AK2: variants seen among roughly 807,000 people sequenced by gnomAD.
AK2 encodes adenylate kinase 2.
A neutral mutation model predicts 24.6 loss-of-function variants in AK2; 15 were observed. The observed-to-expected ratio is 0.61, with a 90% CI of 0.41 to 0.94. The LOEUF (loss-of-function observed/expected upper bound fraction) is 0.94, where lower values mean the gene tolerates loss of function less well. Ranked by LOEUF, AK2 falls within the 40% of genes least tolerant of loss-of-function variation. The pLI is 0.00. For missense variants in AK2, 257 were observed against 304.1 expected (o/e 0.85, Z 1.15); for synonymous variants, 102 against 114.0 (o/e 0.90, Z 0.67).
Position 33,008,010 on chromosome 1 carries a change from T to G in AK2, c.*5171A>C, listed in dbSNP as rs551953760. The G allele has an allele frequency of 2.2e-6, 1 of 454,060 alleles. No individual in the cohort carries two copies. Among genetic ancestry groups the G allele is most frequent in the Admixed American group, 2.3e-5 (1 of 42,558 alleles). 28.1% of individuals were successfully genotyped at this position (454,060 alleles called of 1,614,324 possible). On this transcript the variant is annotated 3_prime_UTR_variant, in exon 6 of 6. Transcript: ENST00000672715. ...CTCACACAGCTAAGAATTTAATATG[T>G]TAGACTATTATTAATTATGAAAACA...
intron 1 of AK2, among the ~76,000 whole-genome samples, chr1:33,025,210 A>AAAG (rs374054276): frequency 2.0e-5 from 3 of 151,310 alleles, no homozygotes; most frequent in Admixed American, 2.0e-4. Context: ...AAAAAAAAAA[A>AAAG]GAGAATAAAA....
At chr1:33,019,700 C>A (rs1639412047) in intron 4 of AK2, 17 of 1,024,762 alleles carry the variant, frequency 1.7e-5, no homozygotes, top group Non-Finnish European at 2.0e-5. Context: ...AGATGTTCAA[C>A]CTCATTAGGA....
rs1458848091 is a variant in AK2 at position 33,011,315 on chromosome 1, C to T, written c.*1866G>A. 25 of 1,289,296 alleles carry T rather than the reference C, an allele frequency of 1.9e-5. No homozygotes were observed. Among genetic ancestry groups the T allele is most frequent in the Admixed American group, 2.3e-5 (1 of 43,614 alleles). 79.9% of individuals were successfully genotyped at this position (1,289,296 alleles called of 1,614,324 possible). ...ATAGCTGACAGTTTTTGTTTCACTCCTCTTCCTTGCCCATTCCCAGAAGTC... is the reference window on the plus strand; with the variant it reads ...ATAGCTGACAGTTTTTGTTTCACTCTTCTTCCTTGCCCATTCCCAGAAGTC... On this transcript the variant is annotated 3_prime_UTR_variant, in exon 6 of 6. Transcript: ENST00000672715.
At chr1:33,018,342 C>T (rs545409399) in intron 4 of AK2, among the ~76,000 whole-genome samples, 10 of 152,106 alleles carry the variant, frequency 6.6e-5, no homozygotes, top group South Asian at 2.1e-4. Context: ...GTGTGAGGTC[C>T]GGGGTGCATT....
Position 33,020,130 on chromosome 1 carries a change from G to C in AK2, c.425+1237C>G, listed in dbSNP as rs1052300808. On this transcript the variant is annotated intron_variant, in intron 4 of 5. Coordinates refer to ENST00000672715, the MANE Select transcript of AK2 (RefSeq NM_001625.4). ...AGTGTTGGTCTGTCAGAACAAACGTGTCCAGAAGCAGAGGCATTTCTGTGT... is the reference window on the plus strand; with the variant it reads ...AGTGTTGGTCTGTCAGAACAAACGTCTCCAGAAGCAGAGGCATTTCTGTGT... The C allele has an allele frequency of 3.3e-6, 5 of 1,534,752 alleles. No homozygotes were observed. In the African/African-American group the frequency reaches 4.1e-5, roughly 13 times the overall value.
At chr1:33,020,605 G>C (rs1408465729) in intron 4 of AK2, among the ~76,000 whole-genome samples, 1 of 152,138 alleles carries the variant, frequency 6.6e-6, no homozygotes, top group Admixed American at 6.5e-5. Context: ...AGCACTTTGG[G>C]AGGCCAAGGC....
At position 33,011,847 on chromosome 1, in the gene AK2, G is replaced by T. The variant is rs1224317659; in HGVS notation, c.*1334C>A. 1 of 1,520,780 alleles carries T rather than the reference G, an allele frequency of 6.6e-7. No homozygotes were observed. The highest frequency in any genetic ancestry group is 8.8e-7 in the Non-Finnish European group (1 of 1,139,040). The allele number at this position is 1,520,780 out of a possible 1,614,324, so 94.2% of individuals were successfully genotyped here. On this transcript the variant is annotated 3_prime_UTR_variant, in exon 6 of 6. Transcript: ENST00000672715. Reference sequence around the variant, plus strand: ...CTTATTTCTGGGTGATCTTTTCTTGGGGAAGTCCATGGCTATAGCCATCAT... The same window carrying T: ...CTTATTTCTGGGTGATCTTTTCTTGTGGAAGTCCATGGCTATAGCCATCAT...
intron 1 of AK2, among the ~76,000 whole-genome samples, chr1:33,025,838 C>T (rs1192573453): frequency 4.6e-5 from 7 of 152,212 alleles, no homozygotes; most frequent in Admixed American, 6.5e-5. Context: ...TGGGCACTGG[C>T]TGTTACCATA....
Position 33,021,458 on chromosome 1 carries a change from C to T in AK2, c.334G>A (p.Asp112Asn), listed in dbSNP as rs765991265. ...PRTVRQAEML[D>N]DLMEKRKEKL... ...TCTTTCCTCTTCTCCATGAGGTCATCGAGCTGTAAAAGAATGTGTGGCCCA... is the reference window on the plus strand; with the variant it reads ...TCTTTCCTCTTCTCCATGAGGTCATTGAGCTGTAAAAGAATGTGTGGCCCA... The change falls in exon 4 of 6, where the codon GAT becomes AAT. Residue 112 changes from aspartate (D) to asparagine (N), a missense_variant. Physicochemically the swap from Asp to Asn is conservative, Grantham distance 23. Coordinates refer to ENST00000672715, the MANE Select transcript of AK2 (RefSeq NM_001625.4). 8 of 1,613,866 alleles carry T rather than the reference C, an allele frequency of 5.0e-6. No homozygotes were observed. In the East Asian group the frequency reaches 6.7e-5, roughly 13 times the overall value.
intron 4 of AK2, among the ~76,000 whole-genome samples, chr1:33,017,479 A>AT (rs1216388499): frequency 1.3e-5 from 2 of 152,130 alleles, no homozygotes; most frequent in Admixed American, 1.3e-4. Flanking sequence ...GGACCAGGAT[A>AT]TTTTTTTACC....
At chr1:33,013,485 G>C in intron 5 of AK2, 83 bp from the exon 6 acceptor site, 1 of 1,552,294 alleles carries the variant, frequency 6.4e-7, no homozygotes, top group Admixed American at 2.0e-5. Flanking sequence ...TTTGAGATGG[G>C]ACCATTCTGC....
In AK2 at chr1:33,012,001, A is replaced by C. The variant is rs1418573067; in HGVS notation, c.*1180T>G. 3 of 1,535,244 alleles carry C rather than the reference A, an allele frequency of 2.0e-6. No individual in the cohort carries two copies. The highest frequency in any genetic ancestry group is 2.4e-5 in the East Asian group (1 of 40,900). ...AAATACTGATCAAAATGAATCCAAG[A>C]ATAGATCACACACTGTTTTGTTCAC... On this transcript the variant is annotated 3_prime_UTR_variant, in exon 6 of 6. Transcript: ENST00000672715.
chr1:33,016,717 A>AT (rs1231530511), intron 4 of AK2, among the ~76,000 whole-genome samples: 1 of 151,196 alleles, frequency 6.6e-6, no homozygotes, highest in Non-Finnish European at 1.5e-5. Flanking sequence ...TTTTATTATT[A>AT]TTTTTTGAGA....
At chr1:33,014,895 T>G (rs1639084935) in intron 4 of AK2, among the ~76,000 whole-genome samples, 1 of 152,254 alleles carries the variant, frequency 6.6e-6, no homozygotes, top group Admixed American at 6.5e-5. Flanking sequence ...CAGCCATCCA[T>G]TCTGTTCACC....
intron 4 of AK2, chr1:33,019,902 A>T (rs996899769): frequency 5.5e-5 from 76 of 1,388,250 alleles, no homozygotes; most frequent in Non-Finnish European, 7.0e-5. Context: ...AGTAATGGTC[A>T]TGGATGTCTG....
chr1:33,013,027 A>C lies in AK2; in HGVS notation c.*154T>G. On this transcript the variant is annotated 3_prime_UTR_variant, in exon 6 of 6. Transcript: ENST00000672715. Reference sequence around the variant, plus strand: ...AACACACATACACACAGATGAGAGTAGCACACACGCCAAAGATACATCAAG... The same window carrying C: ...AACACACATACACACAGATGAGAGTCGCACACACGCCAAAGATACATCAAG... The C allele has an allele frequency of 6.3e-7, 1 of 1,597,354 alleles. No individual in the cohort carries two copies. The highest frequency in any genetic ancestry group is 2.2e-5 in the East Asian group (1 of 44,756).
intron 1 of AK2, among the ~76,000 whole-genome samples, chr1:33,030,003 G>C (rs1325451023): frequency 6.6e-6 from 1 of 152,212 alleles, no homozygotes; most frequent in Non-Finnish European, 1.5e-5. Context: ...TAGAGGAAGA[G>C]TCCAAATATC....
chr1:33,026,270 C>A (rs1639875351), intron 1 of AK2, among the ~76,000 whole-genome samples: 1 of 152,160 alleles, frequency 6.6e-6, no homozygotes, highest in African/African-American at 2.4e-5. Flanking sequence ...ACGATCACGG[C>A]TCACTGCAGC....
At position 33,012,082 on chromosome 1, in the gene AK2, C is replaced by T. The variant is rs754737166; in HGVS notation, c.*1099G>A. 78 of 1,535,314 alleles carry T rather than the reference C, an allele frequency of 5.1e-5. No individual in the cohort carries two copies. The highest frequency in any genetic ancestry group is 6.3e-5 in the Non-Finnish European group (72 of 1,146,738). Reference sequence around the variant, plus strand: ...AAAGCAAATAAACCTACCCTGGTCTCTTTTTGGGGAAGTAGATTTGACTGC... The same window carrying T: ...AAAGCAAATAAACCTACCCTGGTCTTTTTTTGGGGAAGTAGATTTGACTGC... On this transcript the variant is annotated 3_prime_UTR_variant, in exon 6 of 6. Transcript: ENST00000672715.
Sources: gnomAD v4.1 joint callset for allele counts (sites outside exome capture counted in the v4.1 genomes callset) on GRCh38, gnomAD v4.1.1 for gene constraint, MANE v1.5 for transcripts, NCBI Gene and HGNC (gene_info 2026-07-23, HGNC 2026-07-21) for gene names.